The following RAB38 variants were observed in gnomAD, a reference collection of about 807,000 sequenced individuals.
RAB38 encodes RAB38, member RAS oncogene family.
RAB38 carries 15 observed loss-of-function variants against 18.4 expected under a neutral mutation model. The observed-to-expected ratio is 0.82, with a 90% confidence interval of 0.55 to 1.26. The LOEUF (loss-of-function observed/expected upper bound fraction) is 1.26, where lower values mean the gene tolerates loss of function less well. RAB38 is among the 50% of genes most tolerant of loss of function. RAB38 has a pLI of 0.00. For missense variants in RAB38, 294 were observed against 267.4 expected (o/e 1.10, Z -0.69); for synonymous variants, 101 against 104.4 (o/e 0.97, Z 0.20).
chr11:88,074,499 G>GT, the RAB38 span, among the ~76,000 whole-genome samples: 1 of 152,024 alleles, frequency 6.6e-6, no homozygotes, highest in Non-Finnish European at 1.5e-5. Flanking sequence ...TGCTATAACT[G>GT]TAAGATCCTT....
chr11:88,158,208 C>T (rs1301769162), intron 1 of RAB38, among the ~76,000 whole-genome samples: 1 of 152,084 alleles, frequency 6.6e-6, no homozygotes, highest in Non-Finnish European at 1.5e-5. Context: ...TGGAAACACA[C>T]AATCTGCCAA....
chr11:87,849,651 T>C, the RAB38 span, among the ~76,000 whole-genome samples: 1 of 152,166 alleles, frequency 6.6e-6, no homozygotes. Flanking sequence ...GTTGTCCTTT[T>C]CTGCCAGCTG....
the RAB38 span, among the ~76,000 whole-genome samples, chr11:87,882,313 A>G: frequency 3.3e-5 from 5 of 151,840 alleles, no homozygotes; most frequent in Admixed American, 2.0e-4. Flanking sequence ...TTTGTATATA[A>G]GGCTAGGTAG....
chr11:88,036,661 C>T, the RAB38 span, among the ~76,000 whole-genome samples: 1 of 151,946 alleles, frequency 6.6e-6, no homozygotes, highest in African/African-American at 2.4e-5. Flanking sequence ...TATCAATCAA[C>T]ATAGAGGTAG....
At chr11:88,027,406 A>C in the RAB38 span, among the ~76,000 whole-genome samples, 30 of 152,134 alleles carry the variant, frequency 2.0e-4, no homozygotes, top group Admixed American at 2.0e-3. Flanking sequence ...GTGCGAGCCT[A>C]AGCAGGGTGA....
the RAB38 span, among the ~76,000 whole-genome samples, chr11:87,896,444 C>T: frequency 6.6e-6 from 1 of 151,520 alleles, no homozygotes; most frequent in South Asian, 2.1e-4. Flanking sequence ...AAAACTGTTT[C>T]GAATTTGGGT....
chr11:88,005,675 A>T, the RAB38 span, among the ~76,000 whole-genome samples: 1 of 150,638 alleles, frequency 6.6e-6, no homozygotes, highest in African/African-American at 2.4e-5. Flanking sequence ...ATCCTTGCCT[A>T]GAGCAATGTC....
At chr11:88,029,916 C>T in the RAB38 span, among the ~76,000 whole-genome samples, 36 of 152,284 alleles carry the variant, frequency 2.4e-4, no homozygotes, top group Non-Finnish European at 3.8e-4. Flanking sequence ...CCCAAATCAA[C>T]AGAATATACA....
the RAB38 span, among the ~76,000 whole-genome samples, chr11:88,090,198 C>T: frequency 1.9e-4 from 29 of 152,036 alleles, no homozygotes; most frequent in African/African-American, 5.8e-4. Flanking sequence ...TTAATAGAAG[C>T]GTCTTTAGGC....
At chr11:88,139,059 C>A (rs1330786644) in intron 2 of RAB38, among the ~76,000 whole-genome samples, 1 of 152,170 alleles carries the variant, frequency 6.6e-6, no homozygotes, top group Non-Finnish European at 1.5e-5. Context: ...GCTGGGATAA[C>A]AGGTGTGAGC....
chr11:87,814,259 G>C, the RAB38 span, among the ~76,000 whole-genome samples: 11 of 152,244 alleles, frequency 7.2e-5, no homozygotes, highest in South Asian at 2.3e-3. Flanking sequence ...TCTATAATGT[G>C]CTATGTCCGA....
the RAB38 span, among the ~76,000 whole-genome samples, chr11:87,811,582 T>C: frequency 2.2e-4 from 33 of 152,286 alleles, no homozygotes; most frequent in Admixed American, 2.2e-3. Flanking sequence ...TTACCCACTT[T>C]CTTTGCTGTA....
the RAB38 span, among the ~76,000 whole-genome samples, chr11:87,902,186 A>C: frequency 6.6e-6 from 1 of 151,576 alleles, no homozygotes; most frequent in African/African-American, 2.4e-5. Flanking sequence ...CCCAAATGCC[A>C]GTGTTTTAAA....
chr11:87,881,301 C>T, the RAB38 span, among the ~76,000 whole-genome samples: 9 of 151,774 alleles, frequency 5.9e-5, no homozygotes, highest in Non-Finnish European at 8.8e-5. Flanking sequence ...ATGTTTTATC[C>T]GTGGGTTATT....
the RAB38 span, among the ~76,000 whole-genome samples, chr11:88,085,022 T>G: frequency 6.6e-6 from 1 of 151,904 alleles, no homozygotes; most frequent in African/African-American, 2.4e-5. Context: ...GATAAGAGTT[T>G]AGTAACAGGA....
chr11:87,896,922 T>C, the RAB38 span, among the ~76,000 whole-genome samples: 1 of 151,800 alleles, frequency 6.6e-6, no homozygotes, highest in East Asian at 2.0e-4. Context: ...TATTCTAATT[T>C]CTTCAGGCAC....
the RAB38 span, among the ~76,000 whole-genome samples, chr11:87,965,307 T>A: frequency 4.6e-5 from 6 of 129,938 alleles, no homozygotes; most frequent in South Asian, 2.4e-4. Flanking sequence ...AAAAAAAAAA[T>A]GATTACTGTG....
chr11:87,823,224 T>C, the RAB38 span, among the ~76,000 whole-genome samples: 1 of 152,172 alleles, frequency 6.6e-6, no homozygotes, highest in African/African-American at 2.4e-5. Flanking sequence ...GTGATACTTG[T>C]ATACTGAAAA....
At chr11:87,806,121 T>G in the RAB38 span, among the ~76,000 whole-genome samples, 8 of 152,312 alleles carry the variant, frequency 5.3e-5, no homozygotes, top group African/African-American at 1.7e-4. Context: ...GTGTGATAAC[T>G]GATAAATTTG....
Sources: gnomAD v4.1 joint callset for allele counts (sites outside exome capture counted in the v4.1 genomes callset) on GRCh38, gnomAD v4.1.1 for gene constraint, MANE v1.5 for transcripts, NCBI Gene and HGNC (gene_info 2026-07-23, HGNC 2026-07-21) for gene names.